Variants in SYNPR observed in about 807,000 individuals in gnomAD.
The protein encoded by SYNPR is synaptoporin.
A neutral mutation model predicts 32.9 loss-of-function variants in SYNPR; 23 were observed. The ratio of observed to expected loss-of-function variants is 0.70; its 90% confidence interval spans 0.50 to 0.99. The LOEUF (loss-of-function observed/expected upper bound fraction) is 0.99, where lower values mean the gene tolerates loss of function less well. Among genes scored for constraint, SYNPR ranks in the 50% least tolerant of loss-of-function variants. The pLI, the probability that SYNPR is intolerant of heterozygous loss-of-function variation, is 0.00. For missense variants in SYNPR, 318 were observed against 349.3 expected (o/e 0.91, Z 0.71); for synonymous variants, 146 against 135.9 (o/e 1.07, Z -0.52).
chr3:63,609,271 C>T lies in SYNPR; in HGVS notation c.555C>T (p.Cys185=), dbSNP rs752354464. 1.2e-6 allele frequency: 2 copies of T among 1,603,216 alleles called. No homozygotes were observed. The highest frequency in any genetic ancestry group is 1.7e-4 in the Middle Eastern group (1 of 6,052). Residue 185 remains cysteine (C), a synonymous_variant, in exon 5 of 6, where the codon TGC becomes TGT. Coordinates refer to ENST00000478300, the MANE Select transcript of SYNPR (RefSeq NM_001130003.2). ...MSACKQPSNK[C]MAIHSPVMSS... ...CTTGCAAACAGCCATCCAACAAATGCATGGCTATCCACAGCCCTGTTATGT... is the reference window on the plus strand; with the variant it reads ...CTTGCAAACAGCCATCCAACAAATGTATGGCTATCCACAGCCCTGTTATGT...
At chr3:63,595,720 TATATATATATATATATATATATA>T (rs1559546097) in intron 4 of SYNPR, among the ~76,000 whole-genome samples, 1,379 of 9,746 alleles carry the variant, frequency 0.14, 197 homozygotes, top group African/African-American at 0.19. Context: ...TCTTATTTTA[TATATATATATATATATATATATA>T]TATATATATA....
At chr3:63,544,514 A>G (rs1183763102) in intron 3 of SYNPR, among the ~76,000 whole-genome samples, 1 of 152,084 alleles carries the variant, frequency 6.6e-6, no homozygotes, top group African/African-American at 2.4e-5. Flanking sequence ...TGGCATATAT[A>G]TTGAATTTCC....
chr3:63,454,923 C>T (rs1476090901), intron 2 of SYNPR, among the ~76,000 whole-genome samples: 3 of 152,056 alleles, frequency 2.0e-5, no homozygotes, highest in Non-Finnish European at 4.4e-5. Context: ...GCATCAGCTT[C>T]AAGAAAATGT....
intron 2 of SYNPR, among the ~76,000 whole-genome samples, chr3:63,262,320 G>A (rs991400137): frequency 2.0e-5 from 3 of 152,214 alleles, no homozygotes; most frequent in African/African-American, 7.2e-5. Context: ...AGCACAGCTG[G>A]TTGGTTGGTC....
At chr3:63,479,251 A>C (rs535895809) in intron 2 of SYNPR, among the ~76,000 whole-genome samples, 1 of 152,190 alleles carries the variant, frequency 6.6e-6, no homozygotes, top group African/African-American at 2.4e-5. Flanking sequence ...ACATCTTATT[A>C]AGGAGCATCT....
At chr3:63,505,722 C>G (rs1406215289) in intron 3 of SYNPR, among the ~76,000 whole-genome samples, 1 of 152,156 alleles carries the variant, frequency 6.6e-6, no homozygotes, top group East Asian at 1.9e-4. Flanking sequence ...ATTCCTTTCA[C>G]CCTAAGAAAG....
chr3:63,498,058 G>A (rs1390933191), intron 3 of SYNPR, among the ~76,000 whole-genome samples: 4 of 152,162 alleles, frequency 2.6e-5, no homozygotes, highest in East Asian at 3.8e-4. Context: ...ACTCAGAGAC[G>A]TGTTGAACTT....
intron 2 of SYNPR, chr3:63,452,147 C>A (rs1427691887): frequency 7.1e-6 from 5 of 701,264 alleles, no homozygotes; most frequent in East Asian, 5.4e-5. Context: ...CTCACTCATT[C>A]ATTTGTTCGT....
intron 2 of SYNPR, among the ~76,000 whole-genome samples, chr3:63,474,908 G>A (rs1340735541): frequency 6.6e-6 from 1 of 152,090 alleles, no homozygotes; most frequent in Non-Finnish European, 1.5e-5. Context: ...CCATTAATCA[G>A]CCTGATTTTC....
At chr3:63,443,283 A>G (rs1700214310) in intron 2 of SYNPR, 2 of 1,466,896 alleles carry the variant, frequency 1.4e-6, no homozygotes, top group Non-Finnish European at 9.0e-7. Context: ...GATTGGTATA[A>G]CATCTCACTT....
intron 2 of SYNPR, among the ~76,000 whole-genome samples, chr3:63,265,170 A>C (rs1287478751): frequency 6.6e-6 from 1 of 152,126 alleles, no homozygotes; most frequent in Non-Finnish European, 1.5e-5. Context: ...GAGTCTTTCA[A>C]AACTATAGAA....
At chr3:63,202,648 T>C in the SYNPR span, among the ~76,000 whole-genome samples, 2 of 152,194 alleles carry the variant, frequency 1.3e-5, no homozygotes, top group Non-Finnish European at 1.5e-5. Context: ...TTCTTTAGAA[T>C]GTTAACAGGT....
At chr3:63,496,962 C>T (rs2106728599) in intron 3 of SYNPR, among the ~76,000 whole-genome samples, 1 of 152,122 alleles carries the variant, frequency 6.6e-6, no homozygotes, top group South Asian at 2.1e-4. Context: ...GAGCTTCATC[C>T]TTTTTAAGAA....
chr3:63,346,335 A>G (rs1289996819), intron 2 of SYNPR, among the ~76,000 whole-genome samples: 1 of 152,202 alleles, frequency 6.6e-6, no homozygotes, highest in African/African-American at 2.4e-5. Context: ...ATTTATGTTT[A>G]TATAAACCAC....
intron 2 of SYNPR, among the ~76,000 whole-genome samples, chr3:63,259,441 T>A (rs1012331881): frequency 1.3e-5 from 2 of 151,974 alleles, no homozygotes; most frequent in Non-Finnish European, 2.9e-5. Context: ...ATAACAGTAA[T>A]CCAGCATATA....
the SYNPR span, among the ~76,000 whole-genome samples, chr3:63,217,404 T>C: frequency 3.5e-5 from 2 of 57,010 alleles, no homozygotes; most frequent in Non-Finnish European, 8.8e-5. Flanking sequence ...TGGGATATAG[T>C]CTCGTGGTGC....
chr3:63,610,803 G>A (rs79942099), intron 5 of SYNPR, among the ~76,000 whole-genome samples: 13,624 of 152,132 alleles, frequency 0.09, 886 homozygotes, highest in East Asian at 0.19. Flanking sequence ...AAATTATGAC[G>A]TTCTGCATGG....
At chr3:63,265,197 T>G (rs2106904053) in intron 2 of SYNPR, among the ~76,000 whole-genome samples, 1 of 151,632 alleles carries the variant, frequency 6.6e-6, no homozygotes, top group African/African-American at 2.4e-5. Context: ...TAAATGTGTT[T>G]TTAAGTATAC....
the SYNPR span, among the ~76,000 whole-genome samples, chr3:63,209,120 C>T: frequency 2.5e-4 from 38 of 151,922 alleles, no homozygotes; most frequent in Admixed American, 1.2e-3. Context: ...TGTTTTAAAC[C>T]ATCCTGGCTA....
Sources: gnomAD v4.1 joint callset for allele counts (sites outside exome capture counted in the v4.1 genomes callset) on GRCh38, gnomAD v4.1.1 for gene constraint, MANE v1.5 for transcripts, NCBI Gene and HGNC (gene_info 2026-07-23, HGNC 2026-07-21) for gene names.